The following OR9Q2 variants were observed in gnomAD, a reference collection of about 807,000 sequenced individuals.
The protein encoded by OR9Q2 is olfactory receptor 9Q2.
OR9Q2 carries 2 observed loss-of-function variants against 2.3 expected under a neutral mutation model. The observed-to-expected ratio is 0.85, with a 90% CI of 0.35 to 2.68. The LOEUF is 2.68. OR9Q2 is among the 30% of genes most tolerant of loss of function. OR9Q2 has a pLI of 0.10. For missense variants in OR9Q2, 404 were observed against 395.7 expected, an observed-to-expected ratio of 1.02 and a Z score of -0.18; for synonymous variants, 178 against 158.6, an observed-to-expected ratio of 1.12 and a Z score of -0.92.
rs116035822 is a variant in OR9Q2 at position 58,190,520 on chromosome 11, G to A, written c.30G>A (p.Thr10=). 1.9e-4 allele frequency: 310 copies of A among 1,614,008 alleles called. No homozygotes were observed. In the African/African-American group the frequency reaches 3.7e-3, roughly 19 times the overall value. Residue 10 remains threonine (T), a synonymous_variant, in exon 2 of 2, where the codon ACG becomes ACA. Coordinates refer to ENST00000641291, the MANE Select transcript of OR9Q2 (RefSeq NM_001005283.3). ...CTGAAAGGAATTACACCGTAGTGAC[G>A]GAGTTCTTCCTTACTGCATTTACTG... MAERNYTVV[T]EFFLTAFTEH...
chr11:58,191,377 A>G lies in OR9Q2; in HGVS notation c.887A>G (p.Glu296Gly). The change falls in exon 2 of 2, where the codon GAG becomes GGG. Residue 296 changes from glutamate to glycine, a missense_variant. Glu to Gly is a moderately conservative substitution (Grantham distance 98, BLOSUM62 -2). Coordinates refer to ENST00000641291, the MANE Select transcript of OR9Q2 (RefSeq NM_001005283.3). The stretch of plus-strand genomic sequence containing the variant: ...CTTATCTATAGCCTGAGAAACAAGG[A>G]GGTAAAAGAGGCCACTAGGAAAGCC... The part of the protein sequence containing the change: ...NPLIYSLRNK[E>G]VKEATRKALS... 1.9e-6 allele frequency: 3 copies of G among 1,613,826 alleles called. No homozygotes were observed. The highest frequency in any genetic ancestry group is 2.5e-6 in the Non-Finnish European group (3 of 1,179,860).
At position 58,192,892 on chromosome 11, in the gene OR9Q2, G is replaced by T. The variant is rs145086167; in HGVS notation, c.*1457G>T. The T allele has an allele frequency of 2.0e-5, 3 of 152,242 alleles. No homozygotes were observed. Among genetic ancestry groups the T allele is most frequent in the Non-Finnish European group, 4.4e-5 (3 of 68,018 alleles). 9.4% of individuals were successfully genotyped at this position (152,242 alleles called of 1,614,324 possible). A position where few individuals can be genotyped will look rare whatever the true frequency, so the allele number is the denominator to read the frequency against. ...ATTTTCAGAGCACACCAACATCTGT[G>T]GTGGGTGTTAGACATATTTGTGTTG... On this transcript the variant is annotated 3_prime_UTR_variant, in exon 2 of 2. Coordinates refer to ENST00000641291, the MANE Select transcript of OR9Q2 (RefSeq NM_001005283.3).
chr11:58,190,158 G>C (rs1282634459), intron 1 of OR9Q2, among the ~76,000 whole-genome samples, 161 bp from the exon 2 acceptor site: 1 of 152,142 alleles, frequency 6.6e-6, no homozygotes, highest in Non-Finnish European at 1.5e-5. Context: ...TTTGGCAGAG[G>C]AGGAAATTGA....
chr11:58,191,232 G>A lies in OR9Q2; in HGVS notation c.742G>A (p.Val248Ile), dbSNP rs746060364. The change falls in exon 2 of 2, where the codon GTC (valine) becomes ATC (isoleucine). Residue 248 changes from valine (V) to isoleucine (I), a missense_variant. Val to Ile is a conservative substitution (Grantham distance 29). Coordinates refer to ENST00000641291, the MANE Select transcript of OR9Q2 (RefSeq NM_001005283.3). The part of the protein sequence containing the change: ...FSTCASHLTA[V>I]ALFFGTLIFM... ...CACCTGCGCCTCCCACCTCACTGCC[G>A]TCGCTCTTTTCTTTGGCACCCTCAT... is the stretch of plus-strand genomic sequence containing the variant. The A allele has an allele frequency of 6.8e-6, 11 of 1,613,966 alleles. No individual in the cohort carries two copies. In the Middle Eastern group the frequency reaches 8.2e-4, roughly 121 times the overall value.
intron 1 of OR9Q2, 46 bp downstream of exon 1, chr11:58,189,154 T>A (rs1854734951): frequency 6.6e-6 from 1 of 152,198 alleles, no homozygotes; most frequent in African/African-American, 2.4e-5. Flanking sequence ...AGGGATATAT[T>A]GTTTTGTCAA....
chr11:58,190,501 G>C lies in OR9Q2; in HGVS notation c.11G>C (p.Arg4Thr). 1.2e-6 allele frequency: 2 copies of C among 1,612,228 alleles called. No individual in the cohort carries two copies. Among genetic ancestry groups the C allele is most frequent in the Non-Finnish European group, 1.7e-6 (2 of 1,178,582 alleles). Residue 4 changes from arginine (R) to threonine (T), a missense_variant, in exon 2 of 2, where the codon AGG becomes ACG. Physicochemically the swap from Arg to Thr is moderately conservative, Grantham distance 71 (BLOSUM62 -1). Transcript: ENST00000641291. ...TGAACCACTGGATGGATGGCTGAAAGGAATTACACCGTAGTGACGGAGTTC... is the reference window on the plus strand; with the variant it reads ...TGAACCACTGGATGGATGGCTGAAACGAATTACACCGTAGTGACGGAGTTC... MAE[R>T]NYTVVTEFFL... is the part of the protein sequence containing the mutation.
Position 58,192,166 on chromosome 11 carries a change from G to T in OR9Q2, c.*731G>T, listed in dbSNP as rs1854771856. On this transcript the variant is annotated 3_prime_UTR_variant, in exon 2 of 2. Coordinates refer to ENST00000641291, the MANE Select transcript of OR9Q2 (RefSeq NM_001005283.3). ...AATAATAGCAAGTTACACTTATTAG[G>T]CATTATTATCTTCCAGGACTTACAA... 7.2e-6 allele frequency: 1 copy of T among 138,458 alleles called. No individual in the cohort carries two copies. Among genetic ancestry groups the T allele is most frequent in the African/African-American group, 2.6e-5 (1 of 38,014 alleles). The allele number at this position is 138,458 out of a possible 1,614,324, so 8.6% of individuals were successfully genotyped here.
chr11:58,189,522 G>A (rs1332417807), intron 1 of OR9Q2, among the ~76,000 whole-genome samples: 1 of 152,106 alleles, frequency 6.6e-6, no homozygotes, highest in Non-Finnish European at 1.5e-5. Flanking sequence ...CAATGGGTCA[G>A]CTCAGTATTG....
At position 58,190,410 on chromosome 11, in the gene OR9Q2, A is replaced by C. The variant is rs1854746552; in HGVS notation, c.-81A>C. ...AAGACATTCAATTTAAAGCTTTGTT[A>C]CTTGAAATCATTTGAACTCCTCTTG... is the stretch of plus-strand genomic sequence containing the variant. On this transcript the variant is annotated 5_prime_UTR_variant, in exon 2 of 2. Coordinates refer to ENST00000641291, the MANE Select transcript of OR9Q2 (RefSeq NM_001005283.3). 2.2e-6 allele frequency: 2 copies of C among 902,458 alleles called. No individual in the cohort carries two copies. Among genetic ancestry groups the C allele is most frequent in the Non-Finnish European group, 3.5e-6 (2 of 570,416 alleles). The allele number at this position is 902,458 out of a possible 1,614,324, so 55.9% of individuals were successfully genotyped here.
chr11:58,193,190 C>A lies in OR9Q2; in HGVS notation c.*1755C>A, dbSNP rs187644971. Reference sequence around the variant, plus strand: ...CATGTTAGTATGGTGCTTGTCCAGGCTCCACAGCCTAGTGAGTAGTGATGG... The same window carrying A: ...CATGTTAGTATGGTGCTTGTCCAGGATCCACAGCCTAGTGAGTAGTGATGG... On this transcript the variant is annotated 3_prime_UTR_variant, in exon 2 of 2. Coordinates refer to ENST00000641291, the MANE Select transcript of OR9Q2 (RefSeq NM_001005283.3). 6.6e-6 allele frequency: 1 copy of A among 152,244 alleles called. No homozygotes were observed. The highest frequency in any genetic ancestry group is 1.9e-4 in the East Asian group (1 of 5,180). The allele number at this position is 152,244 out of a possible 1,614,324, so 9.4% of individuals were successfully genotyped here. A position where few individuals can be genotyped will look rare whatever the true frequency, so the allele number is the denominator to read the frequency against.
intron 1 of OR9Q2, among the ~76,000 whole-genome samples, chr11:58,189,476 C>G (rs553476847): frequency 7.2e-5 from 11 of 152,146 alleles, no homozygotes; most frequent in Non-Finnish European, 1.3e-4. Context: ...CAGCTCATGA[C>G]TTTCAGATCT....
rs957467669 is a variant in OR9Q2, at chr11:58,192,699, G to C, written c.*1264G>C. The C allele has an allele frequency of 8.5e-5, 13 of 152,102 alleles. No individual in the cohort carries two copies. Among genetic ancestry groups the C allele is most frequent in the Admixed American group, 5.9e-4 (9 of 15,260 alleles). 9.4% of individuals were successfully genotyped at this position (152,102 alleles called of 1,614,324 possible). ...AAATATTTTAGAAAGGAGATGGCTG[G>C]GCATATTTAGGAAAAGGTATAGGGA... On this transcript the variant is annotated 3_prime_UTR_variant, in exon 2 of 2. Coordinates refer to ENST00000641291, the MANE Select transcript of OR9Q2 (RefSeq NM_001005283.3).
At position 58,192,045 on chromosome 11, in the gene OR9Q2, T is replaced by G. The variant is rs1019651019; in HGVS notation, c.*610T>G. 1 of 151,862 alleles carries G rather than the reference T, an allele frequency of 6.6e-6. No individual in the cohort carries two copies. The highest frequency in any genetic ancestry group is 2.4e-5 in the African/African-American group (1 of 41,368). 9.4% of individuals were successfully genotyped at this position (151,862 alleles called of 1,614,324 possible). On this transcript the variant is annotated 3_prime_UTR_variant, in exon 2 of 2. Transcript: ENST00000641291. ...TTTGATCCAAAGGTATTTTCCAAAT[T>G]TTGTCATTTATTCATTTATTCTTTC...
chr11:58,190,408 T>A lies in OR9Q2; in HGVS notation c.-83T>A, dbSNP rs997022602. 1.1e-6 allele frequency: 1 copy of A among 891,744 alleles called. No homozygotes were observed. The highest frequency in any genetic ancestry group is 2.2e-5 in the Admixed American group (1 of 45,022). 55.2% of individuals were successfully genotyped at this position (891,744 alleles called of 1,614,324 possible). A position where few individuals can be genotyped will look rare whatever the true frequency, so the allele number is the denominator to read the frequency against. ...GTAAGACATTCAATTTAAAGCTTTG[T>A]TACTTGAAATCATTTGAACTCCTCT... On this transcript the variant is annotated 5_prime_UTR_variant, in exon 2 of 2. Transcript: ENST00000641291.
chr11:58,190,453 G>T lies in OR9Q2; in HGVS notation c.-38G>T, dbSNP rs754731145. The stretch of plus-strand genomic sequence containing the variant: ...TCCTCTTGAGCTGTCCCCTCATCTG[G>T]CTCTTGTCTTAGCCGTTGCAGGTGA... On this transcript the variant is annotated 5_prime_UTR_variant, in exon 2 of 2. Transcript: ENST00000641291. 5.6e-6 allele frequency: 8 copies of T among 1,425,478 alleles called. No homozygotes were observed. Among genetic ancestry groups the T allele is most frequent in the Non-Finnish European group, 7.9e-6 (8 of 1,016,736 alleles). The allele number at this position is 1,425,478 out of a possible 1,614,324, so 88.3% of individuals were successfully genotyped here. A position where few individuals can be genotyped will look rare whatever the true frequency, so the allele number is the denominator to read the frequency against.
Position 58,190,648 on chromosome 11 carries a change from G to A in OR9Q2, c.158G>A (p.Arg53His), listed in dbSNP as rs375904836. The change falls in exon 2 of 2, where the codon CGT becomes CAT. Residue 53 changes from arginine (R) to histidine (H), a missense_variant. Coordinates refer to ENST00000641291, the MANE Select transcript of OR9Q2 (RefSeq NM_001005283.3). ...TGMILLIRGD[R>H]RLHTPMYFFL... is the part of the protein sequence containing the mutation. The stretch of plus-strand genomic sequence containing the variant: ...ATGATCCTCCTGATCCGTGGCGATC[G>A]TCGGCTCCACACCCCGATGTACTTC... 3.4e-5 allele frequency: 55 copies of A among 1,613,980 alleles called. No individual in the cohort carries two copies. Among genetic ancestry groups the A allele is most frequent in the Non-Finnish European group, 4.4e-5 (52 of 1,180,018 alleles).
At position 58,191,539 on chromosome 11, in the gene OR9Q2, C is replaced by T; in HGVS notation, c.*104C>T. 5 of 703,574 alleles carry T rather than the reference C, an allele frequency of 7.1e-6. No homozygotes were observed. Among genetic ancestry groups the T allele is most frequent in the South Asian group, 6.9e-5 (3 of 43,452 alleles). 43.6% of individuals were successfully genotyped at this position (703,574 alleles called of 1,614,324 possible). A position where few individuals can be genotyped will look rare whatever the true frequency, so the allele number is the denominator to read the frequency against. ...TTTCCTAAATAACCCTATGCAAAAT[C>T]GCACCTGAACTTCCCACCTCCACTT... is the stretch of plus-strand genomic sequence containing the variant. On this transcript the variant is annotated 3_prime_UTR_variant, in exon 2 of 2. Transcript: ENST00000641291.
rs548605877 is a variant in OR9Q2 at position 58,192,987 on chromosome 11, A to G, written c.*1552A>G. On this transcript the variant is annotated 3_prime_UTR_variant, in exon 2 of 2. Transcript: ENST00000641291. ...TTCTTAGCAGTGTGGCTTCAGATTAATTAGTGCCTTTCAGCCTGCTTCTCC... is the reference window on the plus strand; with the variant it reads ...TTCTTAGCAGTGTGGCTTCAGATTAGTTAGTGCCTTTCAGCCTGCTTCTCC... 12 of 152,334 alleles carry G rather than the reference A, an allele frequency of 7.9e-5. No homozygotes were observed. The East Asian group carries it at 2.3e-3, about 29-fold the overall frequency. 9.4% of individuals were successfully genotyped at this position (152,334 alleles called of 1,614,324 possible). A position where few individuals can be genotyped will look rare whatever the true frequency, so the allele number is the denominator to read the frequency against.
rs1854772019 is a variant in OR9Q2 at position 58,192,185 on chromosome 11, C to CTTAAAATAAGTTTGCTACAGGAA, written c.*753_*754insAAATAAGTTTGCTACAGGAATTA. ...TATTAGGCATTATTATCTTCCAGGA[C>CTTAAAATAAGTTTGCTACAGGAA]TTACAATAAGTTTGCTACAGGAATT... On this transcript the variant is annotated 3_prime_UTR_variant, in exon 2 of 2. Transcript: ENST00000641291. The CTTAAAATAAGTTTGCTACAGGAA allele has an allele frequency of 6.6e-6, 1 of 150,874 alleles. No homozygotes were observed. The highest frequency in any genetic ancestry group is 2.1e-4 in the South Asian group (1 of 4,816). The allele number at this position is 150,874 out of a possible 1,614,324, so 9.3% of individuals were successfully genotyped here. A position where few individuals can be genotyped will look rare whatever the true frequency, so the allele number is the denominator to read the frequency against.
Sources: gnomAD v4.1 joint callset for allele counts (sites outside exome capture counted in the v4.1 genomes callset) on GRCh38, gnomAD v4.1.1 for gene constraint, MANE v1.5 for transcripts, NCBI Gene and HGNC (gene_info 2026-07-23, HGNC 2026-07-21) for gene names.